Variants in MROH9 observed in about 807,000 individuals in gnomAD.
The protein encoded by MROH9 is maestro heat like repeat family member 9, also known as maestro heat-like repeat-containing protein family member 9.
In MROH9, 92 loss-of-function variants were observed where a neutral mutation model predicts 98.2. That is an observed-to-expected ratio of 0.94 (90% CI 0.79 to 1.11). MROH9 has a LOEUF of 1.11. Among genes scored for constraint, MROH9 ranks in the 50% most tolerant of loss-of-function variants. The pLI is 0.00. For missense variants in MROH9, 1,057 were observed against 1,014.8 expected, an observed-to-expected ratio of 1.04 and a Z score of -0.57; for synonymous variants, 397 against 368.9, an observed-to-expected ratio of 1.08 and a Z score of -0.87.
rs527548628 is a variant in MROH9 at position 171,014,865 on chromosome 1, C to T, written c.1734+611C>T. 802 of 418,852 alleles carry T rather than the reference C, an allele frequency of 1.9e-3. 4 individuals are homozygous for T. The highest frequency in any genetic ancestry group is 3.2e-3 in the Middle Eastern group (9 of 2,826). 25.9% of individuals were successfully genotyped at this position (418,852 alleles called of 1,614,324 possible). On this transcript the variant is annotated intron_variant, in intron 16 of 21. Transcript: ENST00000367759. ...AATGCAAATTGTGAGGCCCCACCCC[C>T]GTCCTATGGAATCAGAAATTCTGGG...
At chr1:170,940,850 G>C (rs976383929) in intron 1 of MROH9, among the ~76,000 whole-genome samples, 1 of 152,178 alleles carries the variant, frequency 6.6e-6, no homozygotes, top group Admixed American at 6.5e-5. Context: ...TATGTTCCTA[G>C]GTAGAGGCAG....
At chr1:171,060,275 A>C (rs1250554647) in intron 20 of MROH9, among the ~76,000 whole-genome samples, 1 of 152,216 alleles carries the variant, frequency 6.6e-6, no homozygotes, top group Non-Finnish European at 1.5e-5. Flanking sequence ...AACATACAGA[A>C]AATTTTAAAA....
rs367943014 is a variant in MROH9 at position 171,009,941 on chromosome 1, A to AT, written c.1597-4168dup. ...ATAGTAACTAAATAATTGTAACATT[A>AT]TTTTTTTTCCTTTTTTAATTATTAT... On this transcript the variant is annotated intron_variant, in intron 15 of 21. Transcript: ENST00000367759. Among the ~76,000 whole-genome samples the AT allele has an allele frequency of 3.9e-5, 6 of 152,078 alleles. No individual in the cohort carries two copies. In the East Asian group the frequency reaches 5.8e-4, roughly 15 times the overall value.
At position 171,024,301 on chromosome 1, in the gene MROH9, GGGGT is replaced by G. The variant is rs979133418; in HGVS notation, c.1909-92_1909-89del. On this transcript the variant is annotated intron_variant, in intron 17 of 21. Transcript: ENST00000367759. ...ATATACATATATAGTATATTTATAT[GGGGT>G]GTGTGTGTGTGTGTGTGTGTGTGTG... 1.5e-4 allele frequency: 105 copies of G among 718,716 alleles called. No homozygotes were observed. The African/African-American group carries it at 2.8e-3, about 19-fold the overall frequency. 44.5% of individuals were successfully genotyped at this position (718,716 alleles called of 1,614,324 possible). A position where few individuals can be genotyped will look rare whatever the true frequency, so the allele number is the denominator to read the frequency against.
intron 7 of MROH9, among the ~76,000 whole-genome samples, chr1:170,968,909 G>C (rs1320212778): frequency 6.6e-6 from 1 of 152,110 alleles, no homozygotes; most frequent in East Asian, 1.9e-4. Context: ...CCATATTATT[G>C]ATTTTCAACT....
chr1:170,987,387 A>T (rs1651181663), intron 10 of MROH9, among the ~76,000 whole-genome samples: 1 of 152,186 alleles, frequency 6.6e-6, no homozygotes, highest in African/African-American at 2.4e-5. Context: ...TGGCTACATA[A>T]TTTGTGGGGC....
At chr1:171,009,676 A>G (rs766583685) in intron 15 of MROH9, among the ~76,000 whole-genome samples, 5 of 152,244 alleles carry the variant, frequency 3.3e-5, no homozygotes, top group Non-Finnish European at 7.3e-5. Context: ...AGAAGACATG[A>G]TATTCTGACA....
intron 9 of MROH9, 59 bp from the exon 10 acceptor site, chr1:170,986,502 A>G (rs1651136132): frequency 6.5e-7 from 1 of 1,542,234 alleles, no homozygotes; most frequent in African/African-American, 1.4e-5. Flanking sequence ...GTCTGAGTTT[A>G]GCTGTCTTAT....
intron 1 of MROH9, among the ~76,000 whole-genome samples, chr1:170,938,914 C>G (rs534175501): frequency 4.6e-5 from 7 of 152,310 alleles, no homozygotes; most frequent in Admixed American, 1.3e-4. Flanking sequence ...TTGTCCTTGA[C>G]AAATAAAAGT....
At chr1:171,039,131 T>C (rs1332957655) in intron 20 of MROH9, among the ~76,000 whole-genome samples, 1 of 152,144 alleles carries the variant, frequency 6.6e-6, no homozygotes, top group Admixed American at 6.6e-5. Flanking sequence ...TTTGGTTAAT[T>C]TGACATAATT....
intron 3 of MROH9, among the ~76,000 whole-genome samples, chr1:170,951,257 A>C (rs778046105): frequency 6.6e-6 from 1 of 152,072 alleles, no homozygotes; most frequent in African/African-American, 2.4e-5. Flanking sequence ...CAATTACAGA[A>C]ACAAATTAAT....
At chr1:171,018,670 A>T (rs979621157) in intron 17 of MROH9, among the ~76,000 whole-genome samples, 1 of 152,222 alleles carries the variant, frequency 6.6e-6, no homozygotes, top group African/African-American at 2.4e-5. Context: ...AAAAGGTTAG[A>T]GGAGCTGCTA....
chr1:171,014,399 C>T (rs1652261549), intron 16 of MROH9, 145 bp downstream of exon 16: 2 of 707,538 alleles, frequency 2.8e-6, no homozygotes, highest in South Asian at 2.9e-5. Flanking sequence ...GTTTTATTAA[C>T]AAGGAAACTG....
In MROH9 at chr1:170,995,475, T is replaced by C. The variant is rs1423253889; in HGVS notation, c.1281T>C (p.Leu427=). Residue 427 remains leucine (L), a synonymous_variant, in exon 13 of 22, where the codon CTT becomes CTC. Coordinates refer to ENST00000367759, the MANE Select transcript of MROH9 (RefSeq NM_001163629.2). ...ATTTCCCCCAGCTCTTGACGACTCT[T>C]ATGTTCCAAGTCTTCTACAACAGTG... ...AQYFPQLLTT[L]MFQVFYNSEL... is the part of the protein sequence containing the mutation. The C allele has an allele frequency of 1.9e-6, 3 of 1,613,406 alleles. No individual in the cohort carries two copies. Among genetic ancestry groups the C allele is most frequent in the Non-Finnish European group, 2.5e-6 (3 of 1,179,570 alleles).
At chr1:171,005,153 C>T (rs1651914757) in intron 15 of MROH9, among the ~76,000 whole-genome samples, 1 of 152,088 alleles carries the variant, frequency 6.6e-6, no homozygotes, top group South Asian at 2.1e-4. Context: ...CAACCTGTGT[C>T]CTCCATGCTC....
rs1650463975 is a variant in MROH9 at position 170,971,742 on chromosome 1, C to T, written c.481-6C>T. 1 of 1,613,620 alleles carries T rather than the reference C, an allele frequency of 6.2e-7. No homozygotes were observed. Among genetic ancestry groups the T allele is most frequent in the South Asian group, 1.1e-5 (1 of 91,048 alleles). On this transcript the variant is annotated splice_polypyrimidine_tract_variant and splice_region_variant and intron_variant, in intron 7 of 21. Transcript: ENST00000367759. ...AAATGCATGTTCTCCTTTGTTTCTC[C>T]ATTAGATAAGTGTTGATGCTCCATG...
intron 8 of MROH9, among the ~76,000 whole-genome samples, chr1:170,972,210 C>A (rs944721231): frequency 6.6e-6 from 1 of 152,050 alleles, no homozygotes; most frequent in Non-Finnish European, 1.5e-5. Context: ...GTATTTTTTT[C>A]TGTCTAATTG....
At chr1:170,967,883 T>C (rs1650295274) in intron 7 of MROH9, among the ~76,000 whole-genome samples, 1 of 152,220 alleles carries the variant, frequency 6.6e-6, no homozygotes, top group South Asian at 2.1e-4. Flanking sequence ...TAAAAATGGA[T>C]GGTGGGTTTC....
intron 15 of MROH9, among the ~76,000 whole-genome samples, chr1:171,005,547 G>T (rs1331571171): frequency 6.6e-6 from 1 of 152,092 alleles, no homozygotes; most frequent in African/African-American, 2.4e-5. Flanking sequence ...ATTGTAAATA[G>T]AATTGTTTTC....
Sources: gnomAD v4.1 joint callset for allele counts (sites outside exome capture counted in the v4.1 genomes callset) on GRCh38, gnomAD v4.1.1 for gene constraint, MANE v1.5 for transcripts, NCBI Gene and HGNC (gene_info 2026-07-23, HGNC 2026-07-21) for gene names.